The following ARB2A variants were observed in gnomAD, a reference collection of about 807,000 sequenced individuals.
ARB2A encodes ARB2 cotranscriptional regulator A.
chr5:94,023,136 C>T, the ARB2A span, among the ~76,000 whole-genome samples: 6 of 152,132 alleles, frequency 3.9e-5, no homozygotes, highest in Non-Finnish European at 5.9e-5. Flanking sequence ...AGGATGAATT[C>T]TGCTTTCACC....
the ARB2A span, among the ~76,000 whole-genome samples, chr5:93,988,562 A>G: frequency 2.6e-5 from 4 of 152,100 alleles, no homozygotes; most frequent in Admixed American, 1.3e-4. Flanking sequence ...CCTTCCTAAC[A>G]CTTAAATAAT....
At chr5:93,871,814 C>A in the ARB2A span, among the ~76,000 whole-genome samples, 2 of 151,730 alleles carry the variant, frequency 1.3e-5, no homozygotes, top group African/African-American at 4.8e-5. Flanking sequence ...TAGATATAAC[C>A]CATATAAACA....
At chr5:93,857,301 T>C in the ARB2A span, among the ~76,000 whole-genome samples, 1 of 152,164 alleles carries the variant, frequency 6.6e-6, no homozygotes, top group African/African-American at 2.4e-5. Context: ...GGAGAACCAC[T>C]GCTCTCTTCA....
chr5:93,797,221 GC>G, the ARB2A span, among the ~76,000 whole-genome samples: 2 of 152,116 alleles, frequency 1.3e-5, no homozygotes, highest in Non-Finnish European at 2.9e-5. Flanking sequence ...CACTGAGGAA[GC>G]GTTTATGTGT....
At chr5:93,769,088 AATT>A in the ARB2A span, among the ~76,000 whole-genome samples, 5 of 152,228 alleles carry the variant, frequency 3.3e-5, no homozygotes, top group Admixed American at 3.3e-4. Flanking sequence ...CATAAAATGA[AATT>A]ATTATGAACA....
At chr5:93,631,043 C>T in the ARB2A span, among the ~76,000 whole-genome samples, 1 of 151,984 alleles carries the variant, frequency 6.6e-6, no homozygotes, top group South Asian at 2.1e-4. Context: ...CAGGCGTGCA[C>T]CTGGCTAATT....
chr5:93,677,583 A>G, the ARB2A span, among the ~76,000 whole-genome samples: 2 of 152,228 alleles, frequency 1.3e-5, no homozygotes, highest in African/African-American at 4.8e-5. Flanking sequence ...CAGGCACGAG[A>G]GGCTATTGTG....
At chr5:93,662,711 C>G in the ARB2A span, among the ~76,000 whole-genome samples, 1,129 of 152,298 alleles carry the variant, frequency 7.4e-3, 12 homozygotes, top group African/African-American at 0.025. Context: ...TCCCTCGCTC[C>G]AACTCTGTAG....
At chr5:94,021,357 A>G in the ARB2A span, among the ~76,000 whole-genome samples, 1 of 152,222 alleles carries the variant, frequency 6.6e-6, no homozygotes, top group Non-Finnish European at 1.5e-5. Flanking sequence ...CCCTTCTACC[A>G]GGCCCTAGTT....
the ARB2A span, among the ~76,000 whole-genome samples, chr5:94,021,516 G>A: frequency 6.6e-6 from 1 of 152,242 alleles, no homozygotes; most frequent in East Asian, 1.9e-4. Context: ...GAGCTCAACT[G>A]CATGCTGTTA....
the ARB2A span, among the ~76,000 whole-genome samples, chr5:94,080,259 C>A: frequency 6.6e-6 from 1 of 151,998 alleles, no homozygotes; most frequent in Admixed American, 6.6e-5. Flanking sequence ...TTAAGAGACT[C>A]TAATTCTATA....
the ARB2A span, among the ~76,000 whole-genome samples, chr5:93,817,136 A>T: frequency 2.0e-5 from 3 of 152,086 alleles, no homozygotes; most frequent in Admixed American, 2.0e-4. Context: ...AAAATAGTGA[A>T]TTCAGCAAGG....
chr5:93,766,301 T>C, the ARB2A span, among the ~76,000 whole-genome samples: 4 of 151,742 alleles, frequency 2.6e-5, no homozygotes, highest in South Asian at 4.2e-4. Context: ...TGACAAAGGG[T>C]TAATATCCAG....
At chr5:93,799,293 G>GTT in the ARB2A span, among the ~76,000 whole-genome samples, 1 of 152,082 alleles carries the variant, frequency 6.6e-6, no homozygotes, top group African/African-American at 2.4e-5. Context: ...ATCCAGAACT[G>GTT]TAAGTATCAA....
chr5:93,991,383 C>T, the ARB2A span, among the ~76,000 whole-genome samples: 1 of 151,950 alleles, frequency 6.6e-6, no homozygotes, highest in African/African-American at 2.4e-5. Flanking sequence ...TTACAATGAC[C>T]ACCATCCAAT....
At chr5:93,639,327 A>G in the ARB2A span, among the ~76,000 whole-genome samples, 2 of 152,174 alleles carry the variant, frequency 1.3e-5, no homozygotes, top group African/African-American at 4.8e-5. Context: ...AAGATCATGT[A>G]GAAATAGACA....
the ARB2A span, among the ~76,000 whole-genome samples, chr5:93,927,369 T>G: frequency 6.6e-6 from 1 of 152,150 alleles, no homozygotes; most frequent in African/African-American, 2.4e-5. Context: ...ATTCTAACCT[T>G]GCTCATTCTT....
At chr5:93,865,987 T>C in the ARB2A span, 3 of 985,284 alleles carry the variant, frequency 3.0e-6, no homozygotes, top group Admixed American at 6.1e-5. Flanking sequence ...TATGTCCCCT[T>C]AAGAGTTATG....
At chr5:93,794,649 G>T in the ARB2A span, among the ~76,000 whole-genome samples, 1 of 152,118 alleles carries the variant, frequency 6.6e-6, no homozygotes, top group Non-Finnish European at 1.5e-5. Context: ...CTAAGAATGG[G>T]GCTTCCTGAG....
Sources: gnomAD v4.1 joint callset for allele counts (sites outside exome capture counted in the v4.1 genomes callset) on GRCh38, gnomAD v4.1.1 for gene constraint, MANE v1.5 for transcripts, NCBI Gene and HGNC (gene_info 2026-07-23, HGNC 2026-07-21) for gene names.